Variants in CAMK4 observed in about 807,000 individuals in gnomAD.
CAMK4 encodes calcium/calmodulin-dependent protein kinase type IV.
CAMK4 carries 22 observed loss-of-function variants against 44.9 expected under a neutral mutation model. That is an observed-to-expected ratio of 0.49 (90% CI 0.35 to 0.70). CAMK4 has a LOEUF of 0.70. CAMK4 is among the 30% of genes least tolerant of loss of function. The pLI, the probability that CAMK4 is intolerant of heterozygous loss-of-function variation, is 0.01. For missense variants in CAMK4, 498 were observed against 586.8 expected (o/e 0.85, Z 1.56); for synonymous variants, 218 against 215.4 (o/e 1.01, Z -0.11).
chr5:111,418,204 G>T (rs1752882741), intron 5 of CAMK4, among the ~76,000 whole-genome samples: 1 of 152,190 alleles, frequency 6.6e-6, no homozygotes, highest in Non-Finnish European at 1.5e-5. Flanking sequence ...CATGTCAGTA[G>T]GTTCCGTGAT....
At chr5:111,343,994 C>G (rs776391884) in intron 1 of CAMK4, 30 bp from the exon 2 acceptor site, 1 of 1,326,136 alleles carries the variant, frequency 7.5e-7, no homozygotes, top group East Asian at 2.3e-5. Flanking sequence ...CAAAGCATAA[C>G]ATTTTCTTTT....
Position 111,349,166 on chromosome 5 carries a change from A to G in CAMK4, c.240+5064A>G, listed in dbSNP as rs76498155. ...AGAAGTCATCAATTCCCTAGACATG[A>G]CATTCATCCTCTCCTCTTGTGTGGG... On this transcript the variant is annotated intron_variant, in intron 2 of 10. Transcript: ENST00000282356. 3.8e-3 allele frequency among the ~76,000 whole-genome samples: 572 copies of G among 152,042 alleles called. 6 individuals are homozygous for G. Among genetic ancestry groups the G allele is most frequent in the African/African-American group, 0.013 (554 of 41,516 alleles).
intron 1 of CAMK4, among the ~76,000 whole-genome samples, chr5:111,230,116 A>C (rs1748396387): frequency 6.6e-6 from 1 of 152,196 alleles, no homozygotes; most frequent in Non-Finnish European, 1.5e-5. Context: ...CCCTAGGATA[A>C]GGAGAATACT....
intron 2 of CAMK4, among the ~76,000 whole-genome samples, chr5:111,370,717 C>T (rs2112814331): frequency 6.6e-6 from 1 of 152,170 alleles, no homozygotes; most frequent in African/African-American, 2.4e-5. Flanking sequence ...GAGACAGAGA[C>T]CATCCTGGCC....
At chr5:111,262,798 CT>C (rs1750047401) in intron 1 of CAMK4, among the ~76,000 whole-genome samples, 1 of 152,118 alleles carries the variant, frequency 6.6e-6, no homozygotes, top group South Asian at 2.1e-4. Flanking sequence ...AGGTTCTGTC[CT>C]TTTGAACAAA....
chr5:111,242,672 T>G (rs1561356979), intron 1 of CAMK4, among the ~76,000 whole-genome samples: 1 of 152,136 alleles, frequency 6.6e-6, no homozygotes, highest in Non-Finnish European at 1.5e-5. Context: ...GCAGGTCTTT[T>G]CAGAACAGCC....
intron 4 of CAMK4, among the ~76,000 whole-genome samples, chr5:111,381,206 T>C (rs2112835808): frequency 6.6e-6 from 1 of 152,254 alleles, no homozygotes; most frequent in East Asian, 1.9e-4. Flanking sequence ...GTGTATTAGT[T>C]AAGGATCTGT....
At chr5:111,322,323 A>G (rs939716485) in intron 1 of CAMK4, among the ~76,000 whole-genome samples, 1 of 152,142 alleles carries the variant, frequency 6.6e-6, no homozygotes, top group Admixed American at 6.6e-5. Flanking sequence ...GTGGAGAAAC[A>G]TTGCTGATCA....
At chr5:111,357,576 A>G (rs17164075) in intron 2 of CAMK4, among the ~76,000 whole-genome samples, 7,130 of 152,122 alleles carry the variant, frequency 0.047, 572 homozygotes, top group African/African-American at 0.16. Context: ...AAAGAAAGCT[A>G]AAAAGATCAA....
chr5:111,370,906 T>G (rs1234227629), intron 2 of CAMK4, among the ~76,000 whole-genome samples: 1 of 112,238 alleles, frequency 8.9e-6, no homozygotes, highest in African/African-American at 3.5e-5. Context: ...AAAGCGAGAC[T>G]CCATCTCAAA....
chr5:111,447,826 A>T (rs1164898824), intron 6 of CAMK4, among the ~76,000 whole-genome samples: 5 of 152,234 alleles, frequency 3.3e-5, no homozygotes, highest in African/African-American at 1.2e-4. Context: ...CTAAGGAAAA[A>T]ATCCTGAAAG....
chr5:111,328,048 C>T (rs879679254), intron 1 of CAMK4, among the ~76,000 whole-genome samples: 1 of 112,526 alleles, frequency 8.9e-6, no homozygotes, highest in Non-Finnish European at 1.8e-5. Context: ...GCTTTTGTTG[C>T]CATTGCTTTT....
intron 1 of CAMK4, among the ~76,000 whole-genome samples, chr5:111,288,343 G>C (rs1751318002): frequency 6.6e-6 from 1 of 152,098 alleles, no homozygotes; most frequent in Non-Finnish European, 1.5e-5. Flanking sequence ...GAGGATTGGT[G>C]CTCATAGGGA....
chr5:111,392,818 G>A (rs1449598471), intron 4 of CAMK4, among the ~76,000 whole-genome samples: 2 of 152,122 alleles, frequency 1.3e-5, no homozygotes, highest in Non-Finnish European at 2.9e-5. Context: ...TTCTAGGTCT[G>A]AGGCAGCAAA....
At chr5:111,342,918 A>G (rs1348431707) in intron 1 of CAMK4, among the ~76,000 whole-genome samples, 4 of 151,504 alleles carry the variant, frequency 2.6e-5, no homozygotes, top group African/African-American at 9.7e-5. Flanking sequence ...GTTGTCGTAC[A>G]TTTTTTATTT....
chr5:111,449,691 C>G (rs1754160127), intron 7 of CAMK4: 1 of 152,362 alleles, frequency 6.6e-6, no homozygotes, highest in Non-Finnish European at 1.5e-5. Context: ...GAAGAGTTCT[C>G]CAGTCCCTGC....
intron 1 of CAMK4, among the ~76,000 whole-genome samples, chr5:111,233,656 A>G (rs1339732648): frequency 2.0e-5 from 3 of 152,178 alleles, no homozygotes; most frequent in Non-Finnish European, 4.4e-5. Context: ...TAAATTACTG[A>G]TGAAAGATTT....
At chr5:111,339,484 A>T (rs1433198789) in intron 1 of CAMK4, among the ~76,000 whole-genome samples, 16 of 151,250 alleles carry the variant, frequency 1.1e-4, no homozygotes, top group Non-Finnish European at 8.9e-5. Context: ...TAATGAAAAT[A>T]TTCCTTCCCC....
At chr5:111,354,626 T>C (rs1469122773) in intron 2 of CAMK4, among the ~76,000 whole-genome samples, 4 of 125,934 alleles carry the variant, frequency 3.2e-5, no homozygotes, top group Admixed American at 1.6e-4. Flanking sequence ...GGAGAATCAC[T>C]TGAACCCGGG....
Sources: allele counts gnomAD v4.1 joint callset (sites outside exome capture counted in the v4.1 genomes callset), GRCh38; gene constraint gnomAD v4.1.1; transcripts MANE v1.5; gene names NCBI Gene and HGNC (gene_info 2026-07-23, HGNC 2026-07-21).